UGT2B7: variants seen among roughly 807,000 people sequenced by gnomAD.
UGT2B7 encodes the protein UDP-glucuronosyltransferase 2B7.
UGT2B7 carries 51 observed loss-of-function variants against 51.9 expected under a neutral mutation model. The ratio of observed to expected loss-of-function variants is 0.98; its 90% CI spans 0.78 to 1.24. UGT2B7 has a LOEUF of 1.24. UGT2B7 is among the 50% of genes most tolerant of loss of function. The pLI, the probability that UGT2B7 is intolerant of heterozygous loss-of-function variation, is 0.00. For synonymous variants in UGT2B7, 225 were observed against 211.6 expected (o/e 1.06, Z -0.55); for missense variants, 727 against 628.4 (o/e 1.16, Z -1.68).
chr4:69,082,141 G>C (rs1313398375), intron 1 of UGT2B7, among the ~76,000 whole-genome samples: 2 of 151,972 alleles, frequency 1.3e-5, no homozygotes, highest in Non-Finnish European at 2.9e-5. Context: ...TAATAAATGG[G>C]TGTCTCCTGA....
At chr4:69,096,394 G>T (rs1330881351), upstream of UGT2B7, 3 of 1,431,322 alleles carry the variant, frequency 2.1e-6, no homozygotes, top group Admixed American at 6.9e-5. Context: ...TTGATTTAAT[G>T]ATATTGTATG....
chr4:69,112,652 A>G lies in UGT2B7; in HGVS notation c.1506A>G (p.Ala502=), dbSNP rs72551393. The G allele has an allele frequency of 3.0e-3, 4,859 of 1,613,914 alleles. 139 individuals carry two copies. The African/African-American group carries it at 0.059, about 20-fold the overall frequency. ...TTGGGTTCCTGCTGGTCTGTGTGGCAACTGTGATATTTATCGTCACAAAAT... is the reference window on the plus strand; with the variant it reads ...TTGGGTTCCTGCTGGTCTGTGTGGCGACTGTGATATTTATCGTCACAAAAT... The part of the protein sequence containing the change: ...DVIGFLLVCV[A]TVIFIVTKCC... Residue 502 remains alanine, a synonymous_variant, in exon 6 of 6, where the codon GCA becomes GCG. Transcript: ENST00000305231.
chr4:69,098,639 T>C lies in UGT2B7; in HGVS notation c.821T>C (p.Val274Ala), dbSNP rs1577922360. ...FQFPYPLLPN[V>A]DFVGGLHCKP... ...TTTCCATATCCACTCTTACCAAATG[T>C]TGATTTTGTTGGAGGACTCCACTGC... The change falls in exon 2 of 6, where the codon GTT becomes GCT. Residue 274 changes from valine (V) to alanine (A), a missense_variant. By Grantham distance (64) the Val-to-Ala change is moderately conservative (BLOSUM62 0). Transcript: ENST00000305231. The C allele has an allele frequency of 6.2e-7, 1 of 1,612,718 alleles. No individual in the cohort carries two copies. The highest frequency in any genetic ancestry group is 8.5e-7 in the Non-Finnish European group (1 of 1,179,084).
chr4:69,110,752 T>C (rs1353907327), intron 5 of UGT2B7, among the ~76,000 whole-genome samples: 1 of 151,988 alleles, frequency 6.6e-6, no homozygotes, highest in Non-Finnish European at 1.5e-5. Flanking sequence ...AAAAAGAGAG[T>C]TATTCTAGGC....
chr4:69,064,112 A>AAGAGAGAGAGAGAGAGAAAGAAAG (rs754723956), intron 1 of UGT2B7, among the ~76,000 whole-genome samples: 6 of 86,846 alleles, frequency 6.9e-5, no homozygotes, highest in Non-Finnish European at 6.5e-5. Context: ...GAAAGAAAGA[A>AAGAGAGAGAGAGAGAGAAAGAAAG]AAAGAAAGAA....
At chr4:69,078,293 C>T (rs958366182) in intron 1 of UGT2B7, among the ~76,000 whole-genome samples, 1 of 152,104 alleles carries the variant, frequency 6.6e-6, no homozygotes, top group East Asian at 1.9e-4. Flanking sequence ...GTTTTGGTAT[C>T]AGGATGATGC....
upstream of UGT2B7, among the ~76,000 whole-genome samples, chr4:69,092,850 T>C (rs1719113697): frequency 6.6e-6 from 1 of 151,884 alleles, no homozygotes; most frequent in Non-Finnish European, 1.5e-5. Context: ...CAAAATCTAA[T>C]TGGGAATAGA....
chr4:69,060,667 T>A (rs1345479224), intron 1 of UGT2B7, among the ~76,000 whole-genome samples: 3 of 152,216 alleles, frequency 2.0e-5, no homozygotes, highest in Non-Finnish European at 2.9e-5. Flanking sequence ...GGCACCTGGA[T>A]GGAGTCTTTG....
chr4:69,085,702 C>T (rs1296140041), intron 1 of UGT2B7, among the ~76,000 whole-genome samples: 1 of 151,710 alleles, frequency 6.6e-6, no homozygotes, highest in Non-Finnish European at 1.5e-5. Flanking sequence ...CTGCTTCAGT[C>T]TTGTTACTCA....
At chr4:69,090,560 G>A (rs867113492) in intron 2 of UGT2B7, among the ~76,000 whole-genome samples, 1 of 151,870 alleles carries the variant, frequency 6.6e-6, no homozygotes, top group African/African-American at 2.4e-5. Context: ...AAAACAAACA[G>A]CAAAGTCTAA....
At chr4:69,074,162 G>A (rs1718654865) in intron 1 of UGT2B7, among the ~76,000 whole-genome samples, 1 of 152,060 alleles carries the variant, frequency 6.6e-6, no homozygotes, top group Non-Finnish European at 1.5e-5. Context: ...ATAACATAAT[G>A]AGAGCTCATC....
chr4:69,053,770 T>G (rs1235974302), intron 1 of UGT2B7, among the ~76,000 whole-genome samples: 1 of 152,130 alleles, frequency 6.6e-6, no homozygotes, highest in Non-Finnish European at 1.5e-5. Flanking sequence ...TATCAATCAG[T>G]CAGCCGTTGT....
At chr4:69,076,965 G>A (rs946239929) in intron 1 of UGT2B7, among the ~76,000 whole-genome samples, 1 of 152,168 alleles carries the variant, frequency 6.6e-6, no homozygotes, top group Non-Finnish European at 1.5e-5. Flanking sequence ...TGTATAAGGT[G>A]TAAGGAAGGG....
rs754920475 is a variant in UGT2B7 at position 69,108,255 on chromosome 4, G to C, written c.1243G>C (p.Val415Leu). 3.1e-6 allele frequency: 5 copies of C among 1,613,718 alleles called. No homozygotes were observed. The highest frequency in any genetic ancestry group is 3.4e-6 in the Non-Finnish European group (4 of 1,179,708). The change falls in exon 5 of 6, where the codon GTG becomes CTG. Residue 415 changes from valine (V) to leucine (L), a missense_variant. By Grantham distance (32) the Val-to-Leu change is conservative. Transcript: ENST00000305231. Reference protein sequence around the residue: ...HMKARGAAVRVDFNTMSSTDL... With the variant: ...HMKARGAAVRLDFNTMSSTDL... ...GAAGGCCAGGGGAGCAGCTGTTAGA[G>C]TGGACTTCAACACAATGTCGAGTAC...
At chr4:69,068,979 T>C (rs1256856965) in intron 1 of UGT2B7, among the ~76,000 whole-genome samples, 2 of 151,828 alleles carry the variant, frequency 1.3e-5, no homozygotes, top group Non-Finnish European at 2.9e-5. Flanking sequence ...AATCACTTTA[T>C]GACAAGAATA....
intron 2 of UGT2B7, among the ~76,000 whole-genome samples, chr4:69,099,219 A>G (rs1424897446): frequency 6.7e-6 from 1 of 150,290 alleles, no homozygotes; most frequent in Admixed American, 6.7e-5. Context: ...GCTGAACAAT[A>G]TGCAGGAATA....
chr4:69,102,969 A>T, intron 3 of UGT2B7, 31 bp downstream of exon 3: 1 of 1,601,328 alleles, frequency 6.2e-7, no homozygotes, highest in Non-Finnish European at 8.5e-7. Context: ...GGTGTGGAAA[A>T]CTACTGAAAG....
chr4:69,094,239 A>G (rs1482929511), upstream of UGT2B7, among the ~76,000 whole-genome samples: 2 of 79,356 alleles, frequency 2.5e-5, 1 homozygote, highest in African/African-American at 1.4e-4. Context: ...TCCCGGGTTC[A>G]TGCCATTCTC....
chr4:69,112,202 A>G (rs560464552), intron 5 of UGT2B7, among the ~76,000 whole-genome samples: 2 of 152,238 alleles, frequency 1.3e-5, no homozygotes, highest in South Asian at 4.1e-4. Context: ...TTCCATTCTG[A>G]TTACTGGTGC....
Sources: gnomAD v4.1 joint callset for allele counts (sites outside exome capture counted in the v4.1 genomes callset) on GRCh38, gnomAD v4.1.1 for gene constraint, MANE v1.5 for transcripts, NCBI Gene and HGNC (gene_info 2026-07-23, HGNC 2026-07-21) for gene names.